KSR2: variants seen among roughly 807,000 people sequenced by gnomAD.
KSR2 encodes kinase suppressor of ras 2.
In KSR2, 25 loss-of-function variants were observed where a neutral mutation model predicts 107.8. The ratio of observed to expected loss-of-function variants is 0.23; its 90% CI spans 0.17 to 0.32. The LOEUF is 0.32. KSR2 is among the 10% of genes least tolerant of loss of function. KSR2 has a pLI of 1.00. For missense variants in KSR2, 887 were observed against 1,268.9 expected (o/e 0.70, Z 4.57); for synonymous variants, 480 against 507.0 (o/e 0.95, Z 0.71).
intron 4 of KSR2, among the ~76,000 whole-genome samples, chr12:117,735,057 G>T (rs1042735694): frequency 6.6e-6 from 1 of 152,100 alleles, no homozygotes; most frequent in Non-Finnish European, 1.5e-5. Context: ...CTTCCTCAGT[G>T]TGACTGCTCC....
chr12:117,717,157 T>C (rs1887017677), intron 4 of KSR2, among the ~76,000 whole-genome samples: 1 of 152,240 alleles, frequency 6.6e-6, no homozygotes, highest in African/African-American at 2.4e-5. Context: ...GTAACAATGA[T>C]GCCAAGGAAA....
At chr12:117,886,904 G>A (rs527357214) in intron 1 of KSR2, among the ~76,000 whole-genome samples, 1 of 152,094 alleles carries the variant, frequency 6.6e-6, no homozygotes, top group South Asian at 2.1e-4. Context: ...GAAAGACAGA[G>A]AATACCTTTT....
chr12:117,579,049 T>C, intron 7 of KSR2, 70 bp downstream of exon 7: 1 of 1,093,974 alleles, frequency 9.1e-7, no homozygotes, highest in Non-Finnish European at 1.4e-6. Context: ...CCAAAGGCTG[T>C]TCAGTGCCCT....
At chr12:117,952,021 T>A (rs1027999003) in intron 1 of KSR2, among the ~76,000 whole-genome samples, 1 of 152,116 alleles carries the variant, frequency 6.6e-6, no homozygotes, top group African/African-American at 2.4e-5. Context: ...TGGGGAAATG[T>A]TGGTCAAAGG....
At chr12:117,848,834 A>AGTGATG (rs1892807210) in intron 3 of KSR2, among the ~76,000 whole-genome samples, 1 of 133,724 alleles carries the variant, frequency 7.5e-6, no homozygotes, top group Non-Finnish European at 1.7e-5. Flanking sequence ...TGATGGTGGT[A>AGTGATG]GTGGTGGTGA....
chr12:117,568,375 C>T (rs942118683), intron 7 of KSR2, among the ~76,000 whole-genome samples: 23 of 152,106 alleles, frequency 1.5e-4, no homozygotes, highest in African/African-American at 5.3e-4. Flanking sequence ...GGAATTGAGA[C>T]CAAATTCTTA....
At chr12:117,585,140 G>A (rs73211917) in intron 5 of KSR2, among the ~76,000 whole-genome samples, 12,795 of 152,154 alleles carry the variant, frequency 0.084, 693 homozygotes, top group Admixed American at 0.16. Flanking sequence ...ATAATGCACA[G>A]GGCAGACTCC....
At chr12:117,858,422 C>A (rs973161515) in intron 2 of KSR2, among the ~76,000 whole-genome samples, 2 of 151,824 alleles carry the variant, frequency 1.3e-5, no homozygotes. Flanking sequence ...TACGAGATTG[C>A]GCGTGGTCTG....
At chr12:117,821,922 C>G (rs1054426882) in intron 3 of KSR2, among the ~76,000 whole-genome samples, 1 of 152,168 alleles carries the variant, frequency 6.6e-6, no homozygotes, top group African/African-American at 2.4e-5. Context: ...TTCCCAGACA[C>G]AGGCATTCTA....
rs754555850 is a variant in KSR2, at chr12:117,817,391, C to T, written c.472+38037G>A. ...CTCAATAACCGCCCCCCACCCACAC[C>T]GATGTTCCCAAGTAAAAACAGCACG... On this transcript the variant is annotated intron_variant, in intron 3 of 19. Transcript: ENST00000339824. Among the ~76,000 whole-genome samples the T allele has an allele frequency of 1.1e-4, 16 of 151,940 alleles. No homozygotes were observed. In the East Asian group the frequency reaches 1.4e-3, roughly 13 times the overall value.
chr12:117,511,387 T>C (rs1176924889), intron 14 of KSR2, among the ~76,000 whole-genome samples: 1 of 152,204 alleles, frequency 6.6e-6, no homozygotes, highest in Non-Finnish European at 1.5e-5. Context: ...GAAATTCATC[T>C]TGGGAAGGCA....
chr12:117,794,601 AC>A (rs1890546411), intron 3 of KSR2, among the ~76,000 whole-genome samples: 1 of 150,418 alleles, frequency 6.6e-6, no homozygotes, highest in South Asian at 2.1e-4. Context: ...GCACACTCAC[AC>A]CAACATGCAC....
intron 5 of KSR2, among the ~76,000 whole-genome samples, chr12:117,623,225 C>T (rs960610052): frequency 6.6e-6 from 1 of 151,996 alleles, no homozygotes; most frequent in African/African-American, 2.4e-5. Flanking sequence ...CTTATTTATG[C>T]CTTTGGGTTT....
At chr12:117,591,198 T>C (rs1880292789) in intron 5 of KSR2, among the ~76,000 whole-genome samples, 1 of 152,198 alleles carries the variant, frequency 6.6e-6, no homozygotes. Context: ...TGTCTCTACA[T>C]GCAACTTCTG....
At chr12:117,903,192 T>C (rs937135116) in intron 1 of KSR2, among the ~76,000 whole-genome samples, 1 of 152,224 alleles carries the variant, frequency 6.6e-6, no homozygotes, top group African/African-American at 2.4e-5. Flanking sequence ...AGAAAAACTA[T>C]AATTCATAAA....
intron 4 of KSR2, among the ~76,000 whole-genome samples, chr12:117,707,934 G>C (rs1323573512): frequency 1.3e-5 from 2 of 152,200 alleles, no homozygotes; most frequent in Non-Finnish European, 2.9e-5. Context: ...TCCAAGAGAT[G>C]CTGATAGATG....
In KSR2 at chr12:117,731,327, A is replaced by G. The variant is rs533851051; in HGVS notation, c.986+29684T>C. On this transcript the variant is annotated intron_variant, in intron 4 of 19. Transcript: ENST00000339824. Reference sequence around the variant, plus strand: ...CTCCGCCCAGCAGCCGCCCCGTCTGAGAAGTGAGGAGCCCCCCCGCCCAGC... The same window carrying G: ...CTCCGCCCAGCAGCCGCCCCGTCTGGGAAGTGAGGAGCCCCCCCGCCCAGC... Among the ~76,000 whole-genome samples, 99 of 122,788 alleles carry G rather than the reference A, an allele frequency of 8.1e-4. 3 individuals are homozygous for G. In the East Asian group the frequency reaches 0.02, roughly 25 times the overall value. 80.6% of individuals were successfully genotyped at this position (122,788 alleles called of 152,430 possible).
At chr12:117,694,850 T>TC (rs200732443) in intron 4 of KSR2, among the ~76,000 whole-genome samples, 3,683 of 143,260 alleles carry the variant, frequency 0.026, 101 homozygotes, top group African/African-American at 0.077. Flanking sequence ...TGATTCTTTT[T>TC]TTTTTTTTTT....
intron 3 of KSR2, among the ~76,000 whole-genome samples, chr12:117,799,740 A>G (rs1348426366): frequency 3.3e-5 from 5 of 152,124 alleles, no homozygotes; most frequent in East Asian, 3.9e-4. Context: ...TTTCTAATCT[A>G]TAATAGTACC....
Sources: allele counts gnomAD v4.1 joint callset (sites outside exome capture counted in the v4.1 genomes callset), GRCh38; gene constraint gnomAD v4.1.1; transcripts MANE v1.5; gene names NCBI Gene and HGNC (gene_info 2026-07-23, HGNC 2026-07-21).